CDK7: variants seen among roughly 807,000 people sequenced by gnomAD.
CDK7 encodes cyclin dependent kinase 7.
In CDK7, 25 loss-of-function variants were observed where a neutral mutation model predicts 49.1. The ratio of observed to expected loss-of-function variants is 0.51; its 90% CI spans 0.37 to 0.71. The LOEUF (loss-of-function observed/expected upper bound fraction) is 0.71. CDK7 is among the 30% of genes least tolerant of loss of function. The pLI, the probability that CDK7 is intolerant of heterozygous loss-of-function variation, is 0.00. For missense variants in CDK7, 316 were observed against 411.7 expected (o/e 0.77, Z 2.01); for synonymous variants, 107 against 140.0 (o/e 0.76, Z 1.67).
At chr5:69,248,560 G>C (rs1749909385) in intron 2 of CDK7, among the ~76,000 whole-genome samples, 1 of 151,828 alleles carries the variant, frequency 6.6e-6, no homozygotes, top group African/African-American at 2.4e-5. Flanking sequence ...AGCTAATTTT[G>C]TATTTTTAGT....
chr5:69,240,981 A>G (rs992912140), intron 2 of CDK7, among the ~76,000 whole-genome samples: 1 of 152,132 alleles, frequency 6.6e-6, no homozygotes, highest in Non-Finnish European at 1.5e-5. Context: ...TTCTTTATTC[A>G]TTCATTTGTT....
intron 2 of CDK7, among the ~76,000 whole-genome samples, chr5:69,246,281 C>A (rs2972372): frequency 6.6e-6 from 1 of 151,980 alleles, no homozygotes; most frequent in Admixed American, 6.6e-5. Flanking sequence ...GGATTACAGG[C>A]GCATGCCACC....
chr5:69,250,201 G>A (rs1342768890), intron 2 of CDK7, among the ~76,000 whole-genome samples: 1 of 152,198 alleles, frequency 6.6e-6, no homozygotes, highest in African/African-American at 2.4e-5. Flanking sequence ...GGACTTGTTT[G>A]TACCATTCTT....
Position 69,235,053 on chromosome 5 carries a change from T to C in CDK7, c.66+12T>C, listed in dbSNP as rs761017802. ...TTGGGGAGGGACAGGTGAGGCTCTC[T>C]GGAAGGACGGGGAGGGCCCCAAGCG... On this transcript the variant is annotated intron_variant, in intron 1 of 11. Coordinates refer to ENST00000256443, the MANE Select transcript of CDK7 (RefSeq NM_001799.4). The C allele has an allele frequency of 1.5e-5, 24 of 1,596,162 alleles. No individual in the cohort carries two copies. In the South Asian group the frequency reaches 2.4e-4, roughly 16 times the overall value.
At chr5:69,267,292 C>CTTTT (rs71612523) in intron 8 of CDK7, among the ~76,000 whole-genome samples, 18 of 91,092 alleles carry the variant, frequency 2.0e-4, no homozygotes, top group Non-Finnish European at 3.4e-4. Flanking sequence ...ATAAGGATTC[C>CTTTT]TTTTTTTTTT....
At chr5:69,269,352 G>A (rs763898868) in intron 9 of CDK7, 59 bp downstream of exon 9, 25 of 1,170,358 alleles carry the variant, frequency 2.1e-5, no homozygotes, top group Non-Finnish European at 3.0e-5. Flanking sequence ...TTCTTAAACT[G>A]TCATATACTT....
At chr5:69,237,853 T>C (rs1057494826) in intron 2 of CDK7, among the ~76,000 whole-genome samples, 5 of 152,162 alleles carry the variant, frequency 3.3e-5, no homozygotes, top group Non-Finnish European at 7.4e-5. Flanking sequence ...TGATTGTCCT[T>C]GCCTAGGCCT....
At chr5:69,256,574 C>T (rs1580307282) in intron 5 of CDK7, among the ~76,000 whole-genome samples, 1 of 115,598 alleles carries the variant, frequency 8.7e-6, no homozygotes, top group Admixed American at 9.0e-5. Context: ...CTCTTGACCT[C>T]TGGCGATCTA....
chr5:69,262,389 C>T (rs1416687988), intron 8 of CDK7, 85 bp downstream of exon 8: 29 of 1,577,314 alleles, frequency 1.8e-5, no homozygotes, highest in Non-Finnish European at 2.3e-5. Context: ...TTGTCCTAGG[C>T]CAGGCATGGT....
At chr5:69,251,828 C>A (rs1428748787) in intron 2 of CDK7, among the ~76,000 whole-genome samples, 1 of 152,162 alleles carries the variant, frequency 6.6e-6, no homozygotes, top group Non-Finnish European at 1.5e-5. Context: ...GCCACTACAC[C>A]CCGCCAGTCT....
In CDK7 at chr5:69,266,417, G is replaced by A. The variant is rs563024614; in HGVS notation, c.628-2790G>A. Among the ~76,000 whole-genome samples, 318 of 151,864 alleles carry A rather than the reference G, an allele frequency of 2.1e-3. 4 individuals carry two copies. Among genetic ancestry groups the A allele is most frequent in the African/African-American group, 7.4e-3 (305 of 41,422 alleles). On this transcript the variant is annotated intron_variant, in intron 8 of 11. Coordinates refer to ENST00000256443, the MANE Select transcript of CDK7 (RefSeq NM_001799.4). ...CAGCCTGGCCAACATGGTGAGACCCGGTCTCTACTAAAAATACAAAAATTA... is the reference window on the plus strand; with the variant it reads ...CAGCCTGGCCAACATGGTGAGACCCAGTCTCTACTAAAAATACAAAAATTA...
intron 11 of CDK7, 152 bp downstream of exon 11, chr5:69,276,842 G>A (rs1031098101): frequency 4.3e-5 from 32 of 735,790 alleles, no homozygotes; most frequent in African/African-American, 8.9e-5. Context: ...AGACTGTGCC[G>A]TTTTAGGTAT....
At position 69,236,727 on chromosome 5, in the gene CDK7, C is replaced by T. The variant is rs191295136; in HGVS notation, c.126+1274C>T. On this transcript the variant is annotated intron_variant, in intron 2 of 11. Coordinates refer to ENST00000256443, the MANE Select transcript of CDK7 (RefSeq NM_001799.4). The stretch of plus-strand genomic sequence containing the variant: ...AGTGCAATTGTGCGATTTCGGCTCA[C>T]TGGAACCTCTGCCTCCCGGGTTCAA... 5.6e-3 allele frequency among the ~76,000 whole-genome samples: 857 copies of T among 151,934 alleles called. 5 individuals are homozygous for T. The highest frequency in any genetic ancestry group is 9.9e-3 in the Non-Finnish European group (672 of 67,980).
intron 2 of CDK7, among the ~76,000 whole-genome samples, chr5:69,244,636 CAAAAAAAAAAA>C (rs35194899): frequency 1.1e-5 from 1 of 94,894 alleles, no homozygotes; most frequent in East Asian, 3.0e-4. Context: ...AACTCCGTCT[CAAAAAAAAAAA>C]AAAAAAAAAA....
Position 69,243,881 on chromosome 5 carries a change from G to A in CDK7, c.126+8428G>A, listed in dbSNP as rs148429177. ...GGAGTCTCGCACTGTTGCCTGGGCT[G>A]GAGTTCAATGGTGCAATCTCAGCTC... On this transcript the variant is annotated intron_variant, in intron 2 of 11. Transcript: ENST00000256443. 1.7e-3 allele frequency among the ~76,000 whole-genome samples: 219 copies of A among 130,270 alleles called. 1 individual carries two copies. The highest frequency in any genetic ancestry group is 6.2e-3 in the African/African-American group (213 of 34,084). The allele number at this position is 130,270 out of a possible 152,430, so 85.5% of individuals were successfully genotyped here.
chr5:69,258,918 A>G (rs1257502023), intron 6 of CDK7, among the ~76,000 whole-genome samples: 1 of 152,048 alleles, frequency 6.6e-6, no homozygotes, highest in Admixed American at 6.6e-5. Context: ...TCTACAAAAA[A>G]TACAGAAATT....
chr5:69,258,506 G>A (rs761752465), intron 6 of CDK7, among the ~76,000 whole-genome samples: 18 of 150,916 alleles, frequency 1.2e-4, no homozygotes, highest in Non-Finnish European at 5.9e-5. Flanking sequence ...TCAGCCTCCC[G>A]AGTAGCTGGG....
chr5:69,269,120 C>G (rs936514022), intron 8 of CDK7, 87 bp from the exon 9 acceptor site: 4 of 772,444 alleles, frequency 5.2e-6, no homozygotes, highest in Non-Finnish European at 4.3e-6. Flanking sequence ...GCCTGGGTGA[C>G]AGAGCGAGAC....
Position 69,265,251 on chromosome 5 carries a change from C to T in CDK7, c.627+2947C>T, listed in dbSNP as rs553489834. ...CTGCACTCCAGCCTGGGTGACAGAGCGAGACTCCGTCTCAAAAAATAAAAA... is the reference window on the plus strand; with the variant it reads ...CTGCACTCCAGCCTGGGTGACAGAGTGAGACTCCGTCTCAAAAAATAAAAA... On this transcript the variant is annotated intron_variant, in intron 8 of 11. Transcript: ENST00000256443. Among the ~76,000 whole-genome samples the T allele has an allele frequency of 6.9e-4, 104 of 149,712 alleles. 1 individual carries two copies. The highest frequency in any genetic ancestry group is 3.5e-3 in the Middle Eastern group (1 of 288).
Sources: gnomAD v4.1 joint callset for allele counts (sites outside exome capture counted in the v4.1 genomes callset) on GRCh38, gnomAD v4.1.1 for gene constraint, MANE v1.5 for transcripts, NCBI Gene and HGNC (gene_info 2026-07-23, HGNC 2026-07-21) for gene names.